TPRG1: variants seen among roughly 807,000 people sequenced by gnomAD.
TPRG1 encodes the protein tumor protein p63-regulated gene 1 protein.
Under a neutral mutation model 29.3 loss-of-function variants are expected in TPRG1, and 29 were observed. The observed-to-expected ratio is 0.99, with a 90% confidence interval of 0.74 to 1.35. TPRG1 has a LOEUF of 1.35. Among genes scored for constraint, TPRG1 ranks in the 40% most tolerant of loss-of-function variants. The probability of loss-of-function intolerance (pLI) is 0.00; values close to 1 mark genes in which losing one functional copy is unlikely to be tolerated. For missense variants in TPRG1, 327 were observed against 335.0 expected (o/e 0.98, Z 0.19); for synonymous variants, 130 against 116.8 (o/e 1.11, Z -0.73).
At chr3:189,099,689 T>C (rs976725417), upstream of TPRG1, among the ~76,000 whole-genome samples, 34 of 152,154 alleles carry the variant, frequency 2.2e-4, no homozygotes, top group African/African-American at 7.9e-4. Context: ...GGTAGCTCAA[T>C]TGCTTAAAAT....
intron 5 of TPRG1, among the ~76,000 whole-genome samples, chr3:189,162,385 T>C (rs1467097574): frequency 6.6e-6 from 1 of 152,162 alleles, no homozygotes; most frequent in Non-Finnish European, 1.5e-5. Context: ...AAGAATATGA[T>C]ATGCACAAAG....
In TPRG1 at chr3:189,191,073, C is replaced by T. The variant is rs191126309; in HGVS notation, c.-9-16303C>T. On this transcript the variant is annotated intron_variant, in intron 1 of 5. Coordinates refer to ENST00000345063, the MANE Select transcript of TPRG1 (RefSeq NM_198485.4). ...TATTCAGTAGTTGTAGCAGTTCACACGTAAATATACATGTATTCTTACTTT... is the reference window on the plus strand; with the variant it reads ...TATTCAGTAGTTGTAGCAGTTCACATGTAAATATACATGTATTCTTACTTT... The T allele has an allele frequency of 5.9e-5, 33 of 558,850 alleles. No individual in the cohort carries two copies. In the East Asian group the frequency reaches 1.3e-3, roughly 22 times the overall value. 34.6% of individuals were successfully genotyped at this position (558,850 alleles called of 1,614,324 possible). A position where few individuals can be genotyped will look rare whatever the true frequency, so the allele number is the denominator to read the frequency against.
chr3:189,118,143 T>C (rs1050516176), intron 1 of TPRG1, among the ~76,000 whole-genome samples: 5 of 152,248 alleles, frequency 3.3e-5, no homozygotes, highest in African/African-American at 7.2e-5. Context: ...CAGATAATGA[T>C]GTGGACAATG....
Position 189,265,161 on chromosome 3 carries a change from GAA to G in TPRG1, c.479+26253_479+26254del, listed in dbSNP as rs1452598438. On this transcript the variant is annotated intron_variant, in intron 4 of 5. Coordinates refer to ENST00000345063, the MANE Select transcript of TPRG1 (RefSeq NM_198485.4). Reference sequence around the variant, plus strand: ...TTTTGATTTGTATATGAATAAGGAGGAAGGCCATAATCTTTAACAGTGTTCGG... The same window carrying G: ...TTTTGATTTGTATATGAATAAGGAGGGGCCATAATCTTTAACAGTGTTCGG... Among the ~76,000 whole-genome samples, 10 of 152,298 alleles carry G rather than the reference GAA, an allele frequency of 6.6e-5. No homozygotes were observed. In the South Asian group the frequency reaches 2.1e-3, roughly 32 times the overall value.
At chr3:189,200,721 ATTCT>A (rs1336442080) in intron 1 of TPRG1, among the ~76,000 whole-genome samples, 2 of 152,224 alleles carry the variant, frequency 1.3e-5, no homozygotes, top group Non-Finnish European at 2.9e-5. Context: ...CCGTAATTTC[ATTCT>A]TTATTTAACT....
intron 4 of TPRG1, among the ~76,000 whole-genome samples, chr3:189,257,471 T>G (rs111961360): frequency 2.0e-5 from 3 of 152,220 alleles, no homozygotes; most frequent in African/African-American, 7.2e-5. Context: ...GTGAATCTGA[T>G]GATTATGTGT....
chr3:189,224,195 C>T (rs1737343584), intron 3 of TPRG1, among the ~76,000 whole-genome samples: 1 of 152,108 alleles, frequency 6.6e-6, no homozygotes, highest in Non-Finnish European at 1.5e-5. Flanking sequence ...TAAAACATTC[C>T]TGGAAGGCCA....
intron 4 of TPRG1, among the ~76,000 whole-genome samples, chr3:189,248,036 C>A (rs1476680100): frequency 2.0e-5 from 3 of 151,538 alleles, no homozygotes; most frequent in African/African-American, 7.3e-5. Flanking sequence ...AAACTACTTT[C>A]TCTTTATTCT....
intron 3 of TPRG1, among the ~76,000 whole-genome samples, chr3:189,228,799 A>G (rs1738192748): frequency 6.6e-6 from 1 of 152,184 alleles, no homozygotes; most frequent in African/African-American, 2.4e-5. Context: ...AACAAAATGC[A>G]TACAAATCAG....
At chr3:189,007,232 C>T (rs1360080887) in intron 3 of TPRG1, among the ~76,000 whole-genome samples, 12 of 151,850 alleles carry the variant, frequency 7.9e-5, no homozygotes, top group East Asian at 3.9e-4. Flanking sequence ...AAAAAGTGGG[C>T]GAAGGACATG....
Position 189,064,782 on chromosome 3 carries a change from C to T in TPRG1, c.-463+40836C>T, listed in dbSNP as rs191150294. Among the ~76,000 whole-genome samples, 3 of 152,198 alleles carry T rather than the reference C, an allele frequency of 2.0e-5. No homozygotes were observed. The East Asian group carries it at 5.8e-4, about 29-fold the overall frequency. ...TATAAATTCAACAACTAAAAAAATACACAAATTCCTAAAAAATTAGACACC... is the reference window on the plus strand; with the variant it reads ...TATAAATTCAACAACTAAAAAAATATACAAATTCCTAAAAAATTAGACACC... On this transcript the variant is annotated intron_variant, in intron 4 of 10. Coordinates refer to the TPRG1 transcript ENST00000433971.
intron 4 of TPRG1, among the ~76,000 whole-genome samples, chr3:189,051,904 G>T (rs1284474573): frequency 1.3e-5 from 2 of 152,164 alleles, no homozygotes; most frequent in Admixed American, 1.3e-4. Context: ...GTAGGAGAAT[G>T]AAACTGGATC....
At chr3:189,218,736 G>A (rs1482044387) in intron 3 of TPRG1, among the ~76,000 whole-genome samples, 7 of 152,204 alleles carry the variant, frequency 4.6e-5, no homozygotes, top group Non-Finnish European at 1.0e-4. Flanking sequence ...ACATATAAGT[G>A]ACAGAGCAAG....
chr3:189,111,737 G>A (rs959475183), intron 1 of TPRG1, among the ~76,000 whole-genome samples: 2 of 152,074 alleles, frequency 1.3e-5, no homozygotes, highest in African/African-American at 4.8e-5. Flanking sequence ...TCACTTATTA[G>A]TCCTAGTAGG....
chr3:189,306,028 T>C (rs1202322978), intron 4 of TPRG1, among the ~76,000 whole-genome samples: 1 of 152,248 alleles, frequency 6.6e-6, no homozygotes, highest in Non-Finnish European at 1.5e-5. Context: ...TGCAAGTTTC[T>C]ATTTGTGCTT....
chr3:189,141,658 T>C (rs1724578897), intron 3 of TPRG1, among the ~76,000 whole-genome samples: 1 of 152,200 alleles, frequency 6.6e-6, no homozygotes, highest in African/African-American at 2.4e-5. Flanking sequence ...AGAAGAGAAT[T>C]TGTTCATCAA....
At chr3:189,082,072 T>C (rs952488362) in intron 4 of TPRG1, among the ~76,000 whole-genome samples, 2 of 152,150 alleles carry the variant, frequency 1.3e-5, no homozygotes, top group African/African-American at 2.4e-5. Context: ...TGGAACAAGA[T>C]ATATCTGAGG....
At chr3:189,049,272 C>T (rs1341099808) in intron 4 of TPRG1, among the ~76,000 whole-genome samples, 2 of 152,206 alleles carry the variant, frequency 1.3e-5, no homozygotes, top group African/African-American at 2.4e-5. Context: ...TCTCGCCCTC[C>T]ACCTGGAAAC....
intron 4 of TPRG1, among the ~76,000 whole-genome samples, chr3:189,025,549 C>T (rs989530025): frequency 6.6e-6 from 1 of 152,198 alleles, no homozygotes; most frequent in Admixed American, 6.5e-5. Flanking sequence ...TAATAATTCT[C>T]AACTGGCTTG....
Sources: allele counts gnomAD v4.1 joint callset (sites outside exome capture counted in the v4.1 genomes callset), GRCh38; gene constraint gnomAD v4.1.1; transcripts MANE v1.5; gene names NCBI Gene and HGNC (gene_info 2026-07-23, HGNC 2026-07-21).